Variants in GOLGA7B observed in about 807,000 individuals in gnomAD.
The protein encoded by GOLGA7B is golgin subfamily A member 7B.
In GOLGA7B, 17 loss-of-function variants were observed where a neutral mutation model predicts 21.5. The ratio of observed to expected loss-of-function variants is 0.79; its 90% CI spans 0.54 to 1.19. GOLGA7B has a LOEUF of 1.19. Among genes scored for constraint, GOLGA7B ranks in the 50% most tolerant of loss-of-function variants. The probability of loss-of-function intolerance (pLI) is 0.00; values close to 1 mark genes in which losing one functional copy is unlikely to be tolerated. For synonymous variants in GOLGA7B, 87 were observed against 84.0 expected, an observed-to-expected ratio of 1.04 and a Z score of -0.19; for missense variants, 169 against 224.4, an observed-to-expected ratio of 0.75 and a Z score of 1.58.
In GOLGA7B at chr10:97,849,960, G is replaced by C. The variant is rs1308673553; in HGVS notation, c.-344G>C. 6.9e-6 allele frequency among the ~76,000 whole-genome samples: 1 copy of C among 144,364 alleles called. No individual in the cohort carries two copies. Among genetic ancestry groups the C allele is most frequent in the Non-Finnish European group, 1.5e-5 (1 of 65,844 alleles). 94.7% of individuals were successfully genotyped at this position (144,364 alleles called of 152,430 possible). A position where few individuals can be genotyped will look rare whatever the true frequency, so the allele number is the denominator to read the frequency against. On this transcript the variant is annotated 5_prime_UTR_variant, in exon 1 of 5. Coordinates refer to ENST00000370602, the MANE Select transcript of GOLGA7B (RefSeq NM_001010917.3). ...GCTCCTGGCCCCTCCTCCCCCGGCC[G>C]CCCCCATCCCCGCCGCCGCCGCCGC...
intron 2 of GOLGA7B, among the ~76,000 whole-genome samples, chr10:97,860,604 C>T (rs547751705): frequency 3.9e-5 from 6 of 152,190 alleles, no homozygotes; most frequent in Admixed American, 1.3e-4. Flanking sequence ...CCGCCCTCCT[C>T]GGCCTCCCAA....
chr10:97,865,493 C>T, intron 4 of GOLGA7B, 97 bp from the exon 5 acceptor site: 5 of 1,556,738 alleles, frequency 3.2e-6, no homozygotes, highest in Non-Finnish European at 4.4e-6. Context: ...CAGCACAAGC[C>T]CACTTTCCCA....
intron 1 of GOLGA7B, among the ~76,000 whole-genome samples, chr10:97,856,713 A>G (rs2049937392): frequency 6.6e-6 from 1 of 152,208 alleles, no homozygotes; most frequent in African/African-American, 2.4e-5. Context: ...ACAGAGTATA[A>G]GTGTTCCCTG....
chr10:97,854,909 G>A (rs2049925812), intron 1 of GOLGA7B, among the ~76,000 whole-genome samples: 1 of 152,162 alleles, frequency 6.6e-6, no homozygotes, highest in South Asian at 2.1e-4. Flanking sequence ...CCAACTTGTG[G>A]TGTCACTATC....
chr10:97,851,571 C>T (rs2049905979), intron 1 of GOLGA7B, among the ~76,000 whole-genome samples: 1 of 152,160 alleles, frequency 6.6e-6, no homozygotes, highest in African/African-American at 2.4e-5. Flanking sequence ...ACTCACAAAG[C>T]ACCAAAGACA....
At chr10:97,864,306 AC>A (rs1216269917) in intron 4 of GOLGA7B, 37 bp downstream of exon 4, 1 of 1,552,180 alleles carries the variant, frequency 6.4e-7, no homozygotes, top group Non-Finnish European at 8.9e-7. Context: ...AGGGCACAGG[AC>A]TGCTAACCAG....
rs1461470761 is a variant in GOLGA7B at position 97,869,739 on chromosome 10, G to T, written c.*4039G>T. The T allele has an allele frequency of 6.6e-6, 1 of 152,308 alleles. No homozygotes were observed. The highest frequency in any genetic ancestry group is 2.4e-5 in the African/African-American group (1 of 41,448). 9.4% of individuals were successfully genotyped at this position (152,308 alleles called of 1,614,324 possible). On this transcript the variant is annotated 3_prime_UTR_variant, in exon 5 of 5. Coordinates refer to ENST00000370602, the MANE Select transcript of GOLGA7B (RefSeq NM_001010917.3). ...CCCCGGTTGGCAGCCACTGCCACCC[G>T]CAGGGACTTTTCTGTGGCTTCCAGA...
intron 2 of GOLGA7B, among the ~76,000 whole-genome samples, chr10:97,861,733 G>A (rs1006607433): frequency 1.3e-5 from 2 of 152,250 alleles, no homozygotes; most frequent in Admixed American, 6.5e-5. Context: ...GGCAGGGATG[G>A]TCTGTACTGA....
In GOLGA7B at chr10:97,859,560, T is replaced by C. The variant is rs757794979; in HGVS notation, c.115T>C (p.Phe39Leu). 60 of 1,613,900 alleles carry C rather than the reference T, an allele frequency of 3.7e-5. 1 individual carries two copies. The South Asian group carries it at 5.7e-4, about 15-fold the overall frequency. ...DGTICQFQTKFPPELDSRIER... is the reference protein window; with the variant it reads ...DGTICQFQTKLPPELDSRIER... Reference sequence around the variant, plus strand: ...GACCATCTGTCAGTTCCAGACCAAATTCCCCCCAGAGCTGGACAGCCGGGT... The same window carrying C: ...GACCATCTGTCAGTTCCAGACCAAACTCCCCCCAGAGCTGGACAGCCGGGT... Residue 39 changes from phenylalanine to leucine, a missense_variant, in exon 2 of 5, where the codon TTC becomes CTC. Physicochemically the swap from Phe to Leu is conservative, Grantham distance 22. Coordinates refer to ENST00000370602, the MANE Select transcript of GOLGA7B (RefSeq NM_001010917.3).
rs969892598 is a variant in GOLGA7B at position 97,850,316 on chromosome 10, G to GT, written c.12+2dup. 1.3e-6 allele frequency: 2 copies of GT among 1,518,226 alleles called. No homozygotes were observed. Among genetic ancestry groups the GT allele is most frequent in the African/African-American group, 2.8e-5 (2 of 70,658 alleles). The allele number at this position is 1,518,226 out of a possible 1,614,324, so 94.0% of individuals were successfully genotyped here. ...GCGCCCCCGGATCATGGCCACCGAG[G>GT]TAGGGGCGAGCGCCCCACCCGCAGG... On this transcript the variant is annotated splice_donor_variant, in intron 1 of 4. Coordinates refer to ENST00000370602, the MANE Select transcript of GOLGA7B (RefSeq NM_001010917.3). LOFTEE classifies it high-confidence loss of function.
chr10:97,863,819 A>G (rs2049987973), intron 2 of GOLGA7B, 111 bp from the exon 3 acceptor site: 2 of 1,199,722 alleles, frequency 1.7e-6, no homozygotes, highest in African/African-American at 3.0e-5. Context: ...CCTGTGTGCC[A>G]ATGTCATCTT....
chr10:97,866,067 T>G lies in GOLGA7B; in HGVS notation c.*367T>G. 1 of 253,306 alleles carries G rather than the reference T, an allele frequency of 3.9e-6. No homozygotes were observed. The highest frequency in any genetic ancestry group is 7.6e-6 in the Non-Finnish European group (1 of 131,622). The allele number at this position is 253,306 out of a possible 1,614,324, so 15.7% of individuals were successfully genotyped here. Reference sequence around the variant, plus strand: ...GCGAGGGGGGCCGAGGCCTGCCACATAGAGGACTCCCACACTGCATGACCC... The same window carrying G: ...GCGAGGGGGGCCGAGGCCTGCCACAGAGAGGACTCCCACACTGCATGACCC... On this transcript the variant is annotated 3_prime_UTR_variant, in exon 5 of 5. Transcript: ENST00000370602.
At chr10:97,858,385 T>G (rs1236618210) in intron 1 of GOLGA7B, among the ~76,000 whole-genome samples, 1 of 152,216 alleles carries the variant, frequency 6.6e-6, no homozygotes, top group Non-Finnish European at 1.5e-5. Flanking sequence ...TGGATCCAGC[T>G]TAATTACATG....
At chr10:97,865,409 A>T in intron 4 of GOLGA7B, 181 bp from the exon 5 acceptor site, 1 of 1,025,514 alleles carries the variant, frequency 9.8e-7, no homozygotes, top group Non-Finnish European at 1.4e-6. Context: ...CCTAATTGTT[A>T]GCTAAGTAAT....
chr10:97,868,347 C>T lies in GOLGA7B; in HGVS notation c.*2647C>T, dbSNP rs1425408359. 1 of 152,292 alleles carries T rather than the reference C, an allele frequency of 6.6e-6. No individual in the cohort carries two copies. Among genetic ancestry groups the T allele is most frequent in the Non-Finnish European group, 1.5e-5 (1 of 68,102 alleles). 9.4% of individuals were successfully genotyped at this position (152,292 alleles called of 1,614,324 possible). The stretch of plus-strand genomic sequence containing the variant: ...ACAGCTGGTTGATGATAACAGGGCC[C>T]AAGCTTGGAACCCAGGTCTCCTGAC... On this transcript the variant is annotated 3_prime_UTR_variant, in exon 5 of 5. Transcript: ENST00000370602.
chr10:97,861,002 C>T (rs1391858772), intron 2 of GOLGA7B, among the ~76,000 whole-genome samples: 2 of 152,192 alleles, frequency 1.3e-5, no homozygotes, highest in Non-Finnish European at 2.9e-5. Flanking sequence ...AGCTGAGAAC[C>T]ATTAAGTCCT....
intron 1 of GOLGA7B, among the ~76,000 whole-genome samples, chr10:97,851,397 C>T (rs2049904993): frequency 6.6e-6 from 1 of 152,192 alleles, no homozygotes; most frequent in Admixed American, 6.5e-5. Flanking sequence ...TGTTATTCCA[C>T]TCAAGTTTCC....
intron 1 of GOLGA7B, among the ~76,000 whole-genome samples, chr10:97,854,038 G>A (rs2049920102): frequency 6.6e-6 from 1 of 152,204 alleles, no homozygotes; most frequent in Non-Finnish European, 1.5e-5. Context: ...AAAAGATCTA[G>A]ATTTCTGGCT....
intron 1 of GOLGA7B, among the ~76,000 whole-genome samples, chr10:97,855,056 G>A (rs977437600): frequency 3.9e-5 from 6 of 152,210 alleles, no homozygotes; most frequent in Admixed American, 3.9e-4. Context: ...ACACCTAACT[G>A]CAAGGGAGGC....
Sources: gnomAD v4.1 joint callset for allele counts (sites outside exome capture counted in the v4.1 genomes callset) on GRCh38, gnomAD v4.1.1 for gene constraint, MANE v1.5 for transcripts, NCBI Gene and HGNC (gene_info 2026-07-23, HGNC 2026-07-21) for gene names.